Variants in MEGF6 observed in about 807,000 individuals in gnomAD.
MEGF6 encodes multiple EGF like domains 6.
MEGF6 carries 184 observed loss-of-function variants against 207.1 expected under a neutral mutation model. The observed-to-expected ratio is 0.89, with a 90% CI of 0.79 to 1.00. MEGF6 has a LOEUF of 1.00. Ranked by LOEUF, MEGF6 falls within the 50% of genes least tolerant of loss-of-function variation. The probability of loss-of-function intolerance (pLI) is 0.00; values close to 1 mark genes in which losing one functional copy is unlikely to be tolerated. For synonymous variants in MEGF6, 1,038 were observed against 910.0 expected (o/e 1.14, Z -2.53); for missense variants, 2,282 against 2,202.9 (o/e 1.04, Z -0.72).
intron 3 of MEGF6, among the ~76,000 whole-genome samples, chr1:3,581,944 C>T (rs1188663316): frequency 6.6e-6 from 1 of 152,172 alleles, no homozygotes; most frequent in East Asian, 1.9e-4. Flanking sequence ...CCTGCCCTCC[C>T]AGGAAGCATC....
intron 4 of MEGF6, among the ~76,000 whole-genome samples, chr1:3,571,127 G>A (rs564841418): frequency 1.3e-5 from 2 of 152,228 alleles, no homozygotes; most frequent in East Asian, 3.9e-4. Flanking sequence ...GGGGACCAGG[G>A]GTGGCCCTGG....
At chr1:3,599,393 G>T (rs1379263117) in intron 2 of MEGF6, among the ~76,000 whole-genome samples, 1 of 152,214 alleles carries the variant, frequency 6.6e-6, no homozygotes, top group African/African-American at 2.4e-5. Flanking sequence ...TCTCGCCCTC[G>T]GCTCTCAGCC....
At chr1:3,502,266 T>G (rs1257535984) in intron 17 of MEGF6, among the ~76,000 whole-genome samples, 1 of 151,912 alleles carries the variant, frequency 6.6e-6, no homozygotes, top group East Asian at 1.9e-4. Flanking sequence ...TGGGAGAGGC[T>G]GAAGCAGATC....
intron 3 of MEGF6, among the ~76,000 whole-genome samples, chr1:3,584,765 G>T (rs773047638): frequency 1.3e-5 from 2 of 152,252 alleles, no homozygotes; most frequent in African/African-American, 2.4e-5. Context: ...CATCTGAGAC[G>T]GTAACCACAG....
intron 4 of MEGF6, among the ~76,000 whole-genome samples, chr1:3,549,785 G>A (rs1429766007): frequency 3.9e-5 from 6 of 152,224 alleles, no homozygotes; most frequent in Admixed American, 6.5e-5. Flanking sequence ...CAGCCTTCCC[G>A]TACAAGGTGA....
At chr1:3,546,670 C>T (rs1210421438) in intron 4 of MEGF6, among the ~76,000 whole-genome samples, 6 of 131,562 alleles carry the variant, frequency 4.6e-5, no homozygotes, top group Non-Finnish European at 8.0e-5. Flanking sequence ...CCAGGGAGGC[C>T]GAGGTGGGGT....
Position 3,496,790 on chromosome 1 carries a change from GGAGA to G in MEGF6, c.3614-11_3614-8del, listed in dbSNP as rs1557715490. 3 of 1,553,926 alleles carry G rather than the reference GGAGA, an allele frequency of 1.9e-6. No homozygotes were observed. The East Asian group carries it at 7.3e-5, about 38-fold the overall frequency. On this transcript the variant is annotated splice_polypyrimidine_tract_variant and splice_region_variant and intron_variant, in intron 28 of 36. Coordinates refer to ENST00000356575, the MANE Select transcript of MEGF6 (RefSeq NM_001409.4). ...TACCGCCCGGGCGGACATCCTGCAG[GGAGA>G]GGGGCTAGCTGCAGGGGCTGGGGCT...
intron 4 of MEGF6, among the ~76,000 whole-genome samples, chr1:3,528,306 C>A (rs1345347936): frequency 2.6e-5 from 4 of 152,198 alleles, no homozygotes; most frequent in Non-Finnish European, 1.5e-5. Context: ...CCCTCTCTGC[C>A]CCACTCCCAA....
intron 3 of MEGF6, among the ~76,000 whole-genome samples, chr1:3,586,992 T>C (rs1643902275): frequency 6.6e-6 from 1 of 152,156 alleles, no homozygotes; most frequent in Non-Finnish European, 1.5e-5. Flanking sequence ...ACCCCACCTG[T>C]GTGCAAGGAG....
chr1:3,568,440 T>C (rs552485130), intron 4 of MEGF6, among the ~76,000 whole-genome samples: 5 of 141,734 alleles, frequency 3.5e-5, no homozygotes, highest in African/African-American at 1.2e-4. Context: ...CCCCTTTGGC[T>C]AGAGCAGGAC....
intron 21 of MEGF6, 137 bp from the exon 22 acceptor site, chr1:3,500,061 T>G: frequency 7.6e-7 from 1 of 1,307,988 alleles, no homozygotes; most frequent in Non-Finnish European, 1.0e-6. Context: ...CAAGGGAGAC[T>G]GGGCTCACTC....
At chr1:3,595,554 G>T in intron 2 of MEGF6, 107 bp from the exon 3 acceptor site, 1 of 929,922 alleles carries the variant, frequency 1.1e-6, no homozygotes, top group Non-Finnish European at 1.7e-6. Flanking sequence ...GGTTCCCGGC[G>T]GCACAGGCTG....
chr1:3,531,482 T>C (rs902214904), intron 4 of MEGF6: 1 of 1,068,986 alleles, frequency 9.4e-7, no homozygotes, highest in African/African-American at 1.7e-5. Context: ...AAAGGCCAAG[T>C]CCGCAGACAA....
chr1:3,611,914 C>T (rs1644334065), upstream of MEGF6, among the ~76,000 whole-genome samples: 1 of 152,086 alleles, frequency 6.6e-6, no homozygotes, highest in Non-Finnish European at 1.5e-5. Flanking sequence ...GCAAAGGCAG[C>T]TCTCTGGGAT....
rs1272119936 is a variant in MEGF6 at position 3,501,222 on chromosome 1, C to T, written c.2401G>A (p.Ala801Thr). The T allele has an allele frequency of 2.5e-6, 4 of 1,612,060 alleles. No individual in the cohort carries two copies. The highest frequency in any genetic ancestry group is 3.3e-5 in the Admixed American group (2 of 59,952). Residue 801 changes from alanine to threonine, a missense_variant, in exon 19 of 37, where the codon GCC becomes ACC. Transcript: ENST00000356575. ...HAARCDPETG[A>T]CLCLPGFVGS... The stretch of plus-strand genomic sequence containing the variant: ...ACGAAGCCAGGGAGGCACAGGCAGG[C>T]TCCGGTCTCAGGGTCGCAGCGGGCA...
chr1:3,587,601 C>T lies in MEGF6; in HGVS notation c.377-7672G>A, dbSNP rs1240290310. 3.3e-5 allele frequency among the ~76,000 whole-genome samples: 5 copies of T among 152,336 alleles called. No individual in the cohort carries two copies. In the East Asian group the frequency reaches 5.8e-4, roughly 18 times the overall value. ...AGTGAACCGGAAGCACGAAGGAGAA[C>T]CGCCTCCTCACGAACTTCATGGAGC... On this transcript the variant is annotated intron_variant, in intron 3 of 36. Coordinates refer to ENST00000356575, the MANE Select transcript of MEGF6 (RefSeq NM_001409.4).
chr1:3,504,571 C>T (rs79669513), intron 17 of MEGF6, among the ~76,000 whole-genome samples: 4,520 of 152,122 alleles, frequency 0.03, 202 homozygotes, highest in African/African-American at 0.1. Flanking sequence ...GCCCCACGCA[C>T]GCTGGGCTGG....
the MEGF6 span, among the ~76,000 whole-genome samples, chr1:3,619,576 G>A: frequency 6.7e-6 from 1 of 148,514 alleles, no homozygotes; most frequent in Non-Finnish European, 1.5e-5. Flanking sequence ...CAGTTCTCAG[G>A]AGATCTGATG....
intron 4 of MEGF6, among the ~76,000 whole-genome samples, chr1:3,575,728 G>A (rs12408628): frequency 0.12 from 18,440 of 152,094 alleles, 1,199 homozygotes; most frequent in South Asian, 0.15. Flanking sequence ...TCACTATCAC[G>A]AGAACAGCAC....
Sources: gnomAD v4.1 joint callset for allele counts (sites outside exome capture counted in the v4.1 genomes callset) on GRCh38, gnomAD v4.1.1 for gene constraint, MANE v1.5 for transcripts, NCBI Gene and HGNC (gene_info 2026-07-23, HGNC 2026-07-21) for gene names.